NUP210L: variants seen among roughly 807,000 people sequenced by gnomAD.
NUP210L encodes nuclear pore membrane glycoprotein 210-like.
Under a neutral mutation model 208.5 loss-of-function variants are expected in NUP210L, and 74 were observed. The ratio of observed to expected loss-of-function variants is 0.35; its 90% confidence interval spans 0.29 to 0.43. The LOEUF (loss-of-function observed/expected upper bound fraction) is 0.43. Ranked by LOEUF, NUP210L falls within the 20% of genes least tolerant of loss-of-function variation. The probability of loss-of-function intolerance (pLI) is 1.00; values close to 1 mark genes in which losing one functional copy is unlikely to be tolerated. For synonymous variants in NUP210L, 780 were observed against 816.9 expected (o/e 0.95, Z 0.77); for missense variants, 1,843 against 2,289.4 (o/e 0.81, Z 3.98).
intron 27 of NUP210L, among the ~76,000 whole-genome samples, chr1:154,038,311 T>C (rs1167053506): frequency 1.3e-5 from 2 of 151,112 alleles, no homozygotes; most frequent in African/African-American, 4.9e-5. Context: ...TTTTGTATTT[T>C]TGTAGAGACA....
chr1:154,056,737 C>A, intron 23 of NUP210L, 78 bp downstream of exon 23: 1 of 1,420,036 alleles, frequency 7.0e-7, no homozygotes, highest in Non-Finnish European at 9.4e-7. Context: ...TGATTTTTAA[C>A]TTGTATAAAC....
chr1:154,077,704 G>C (rs536689610), intron 16 of NUP210L, among the ~76,000 whole-genome samples: 113 of 152,216 alleles, frequency 7.4e-4, no homozygotes, highest in Non-Finnish European at 1.6e-3. Context: ...AAAATATATG[G>C]CCGGGTGCGG....
At chr1:154,041,750 G>C (rs563782795) in intron 27 of NUP210L, among the ~76,000 whole-genome samples, 1 of 152,198 alleles carries the variant, frequency 6.6e-6, no homozygotes, top group African/African-American at 2.4e-5. Context: ...GAACTTGATA[G>C]ACTTCTGATA....
chr1:154,015,280 TAAAAA>T (rs35604037), intron 33 of NUP210L, among the ~76,000 whole-genome samples: 4 of 133,204 alleles, frequency 3.0e-5, no homozygotes, highest in African/African-American at 8.5e-5. Context: ...TACTGGATGT[TAAAAA>T]AAAAAAAAAA....
intron 37 of NUP210L, among the ~76,000 whole-genome samples, chr1:153,997,699 T>G (rs1649976541): frequency 6.8e-6 from 1 of 147,626 alleles, no homozygotes; most frequent in Admixed American, 6.7e-5. Flanking sequence ...ATTTGTTTTT[T>G]TTTTTTTTTT....
exon 11 of NUP210L, chr1:154,118,745 G>A: frequency 6.3e-7 from 1 of 1,596,430 alleles, no homozygotes; most frequent in East Asian, 2.2e-5. Context: ...AGCATGATGG[G>A]AAAATAAATC....
intron 6 of NUP210L, among the ~76,000 whole-genome samples, chr1:154,136,241 T>G (rs1357237483): frequency 6.6e-6 from 1 of 151,906 alleles, no homozygotes; most frequent in Non-Finnish European, 1.5e-5. Flanking sequence ...CACCTGAAGT[T>G]AGGAGTTCGA....
rs1055514561 is a variant in NUP210L at position 154,083,176 on chromosome 1, C to T, written c.2361+6245G>A. Among the ~76,000 whole-genome samples, 5 of 152,164 alleles carry T rather than the reference C, an allele frequency of 3.3e-5. No individual in the cohort carries two copies. The South Asian group carries it at 8.3e-4, about 25-fold the overall frequency. On this transcript the variant is annotated intron_variant, in intron 16 of 39. Transcript: ENST00000368559. The stretch of plus-strand genomic sequence containing the variant: ...CAGCTTTTATTCCCTTATTTGGCCC[C>T]GCCCACATCCTGCTGATTGGTCCAT...
At chr1:154,032,993 G>GAAAAGAAAAC (rs769771404) in intron 27 of NUP210L, among the ~76,000 whole-genome samples, 1 of 130,056 alleles carries the variant, frequency 7.7e-6, no homozygotes, top group Non-Finnish European at 1.7e-5. Flanking sequence ...GAAAAGAAAA[G>GAAAAGAAAAC]AAAGAAAGAA....
chr1:154,009,494 AT>A (rs1292690259), intron 35 of NUP210L, among the ~76,000 whole-genome samples: 2 of 151,864 alleles, frequency 1.3e-5, no homozygotes, highest in African/African-American at 4.8e-5. Context: ...GTTAAAACTT[AT>A]TTGAATAGGG....
At chr1:153,994,060 TGTAGA>T (rs1649668740) in intron 38 of NUP210L, among the ~76,000 whole-genome samples, 1 of 148,264 alleles carries the variant, frequency 6.7e-6, no homozygotes, top group Non-Finnish European at 1.5e-5. Flanking sequence ...AAAGTTTTTT[TGTAGA>T]GATGGAGTCT....
At chr1:154,146,363 T>C (rs758677231) in intron 2 of NUP210L, among the ~76,000 whole-genome samples, 1 of 152,190 alleles carries the variant, frequency 6.6e-6, no homozygotes, top group Non-Finnish European at 1.5e-5. Flanking sequence ...GACATCTTTC[T>C]TTCAGAAGAA....
chr1:154,146,619 T>G (rs868308600), intron 2 of NUP210L, among the ~76,000 whole-genome samples: 1 of 76,972 alleles, frequency 1.3e-5, no homozygotes, highest in Non-Finnish European at 2.5e-5. Context: ...CCATCCCCCC[T>G]CCCCCCCCCA....
intron 16 of NUP210L, 148 bp downstream of exon 16, chr1:154,089,273 T>C (rs1571259176): frequency 2.9e-6 from 2 of 680,978 alleles, no homozygotes; most frequent in Non-Finnish European, 5.1e-6. Context: ...GAAAACTGTA[T>C]GGCAGTTCCT....
At chr1:154,046,746 A>G (rs1653204944) in intron 25 of NUP210L, among the ~76,000 whole-genome samples, 1 of 152,194 alleles carries the variant, frequency 6.6e-6, no homozygotes, top group Non-Finnish European at 1.5e-5. Flanking sequence ...TAAAAATTAA[A>G]ACAGTTGAAC....
At chr1:154,083,045 G>A (rs376157937) in intron 16 of NUP210L, among the ~76,000 whole-genome samples, 3 of 152,178 alleles carry the variant, frequency 2.0e-5, no homozygotes, top group African/African-American at 7.2e-5. Context: ...AGGTAGTGTG[G>A]ACCCAAAGAG....
At chr1:154,123,130 C>G (rs1203948570) in intron 10 of NUP210L, among the ~76,000 whole-genome samples, 2 of 151,404 alleles carry the variant, frequency 1.3e-5, no homozygotes, top group Non-Finnish European at 2.9e-5. Context: ...ACAACATCAA[C>G]ACTCCAATGT....
At chr1:154,034,843 C>CTTT (rs35524701) in intron 27 of NUP210L, among the ~76,000 whole-genome samples, 1 of 136,200 alleles carries the variant, frequency 7.3e-6, no homozygotes, top group African/African-American at 2.7e-5. Flanking sequence ...CTCTCTCTCT[C>CTTT]TTTTTTTTTT....
intron 13 of NUP210L, among the ~76,000 whole-genome samples, chr1:154,101,069 G>A (rs934104196): frequency 6.6e-6 from 1 of 150,964 alleles, no homozygotes; most frequent in Non-Finnish European, 1.5e-5. Context: ...CTACTCAGGA[G>A]GCTGAGGCAG....
Sources: gnomAD v4.1 joint callset for allele counts (sites outside exome capture counted in the v4.1 genomes callset) on GRCh38, gnomAD v4.1.1 for gene constraint, MANE v1.5 for transcripts, NCBI Gene and HGNC (gene_info 2026-07-23, HGNC 2026-07-21) for gene names.